The following PLAAT5 variants were observed in gnomAD, a reference collection of about 807,000 sequenced individuals.
The protein encoded by PLAAT5 is phospholipase A and acyltransferase 5, also known as Ca(2+)-independent N-acyltransferase.
Under a neutral mutation model 27.8 loss-of-function variants are expected in PLAAT5, and 27 were observed. That is an observed-to-expected ratio of 0.97 (90% CI 0.72 to 1.34). The LOEUF is 1.34. Among genes scored for constraint, PLAAT5 ranks in the 40% most tolerant of loss-of-function variants. PLAAT5 has a pLI of 0.00. For synonymous variants in PLAAT5, 125 were observed against 136.1 expected, an observed-to-expected ratio of 0.92 and a Z score of 0.57; for missense variants, 368 against 343.8, an observed-to-expected ratio of 1.07 and a Z score of -0.56.
intron 3 of PLAAT5, among the ~76,000 whole-genome samples, chr11:63,476,006 A>T: frequency 6.6e-6 from 1 of 152,066 alleles, no homozygotes; most frequent in East Asian, 1.9e-4. Flanking sequence ...CTTTTAAATT[A>T]GTTAAGAGAA....
At chr11:63,464,257 T>A (rs1487902180) in intron 5 of PLAAT5, among the ~76,000 whole-genome samples, 10 of 152,212 alleles carry the variant, frequency 6.6e-5, no homozygotes, top group Admixed American at 5.2e-4. Flanking sequence ...AAGCAGAGAC[T>A]AACATTGGAA....
chr11:63,467,011 T>G (rs1246211270), intron 4 of PLAAT5, among the ~76,000 whole-genome samples: 1 of 152,188 alleles, frequency 6.6e-6, no homozygotes, highest in South Asian at 2.1e-4. Context: ...AGCCCTGAGA[T>G]GAGACAGAGA....
chr11:63,489,464 C>T (rs546872640), intron 2 of PLAAT5, among the ~76,000 whole-genome samples: 21 of 152,254 alleles, frequency 1.4e-4, no homozygotes, highest in African/African-American at 4.6e-4. Flanking sequence ...ATATTTCTCC[C>T]TTGAAACAAA....
In PLAAT5 at chr11:63,491,095, C is replaced by A; in HGVS notation, c.-61G>T. 7.8e-7 allele frequency: 1 copy of A among 1,287,640 alleles called. No individual in the cohort carries two copies. The highest frequency in any genetic ancestry group is 2.1e-5 in the South Asian group (1 of 48,676). The allele number at this position is 1,287,640 out of a possible 1,614,324, so 79.8% of individuals were successfully genotyped here. A position where few individuals can be genotyped will look rare whatever the true frequency, so the allele number is the denominator to read the frequency against. On this transcript the variant is annotated 5_prime_UTR_variant, in exon 1 of 6. Coordinates refer to ENST00000540857, the MANE Select transcript of PLAAT5 (RefSeq NM_001146729.2). ...CAGGGGACTACGCCCCTGGCGAGTT[C>A]CCAGTCGGCGCGGCCCCTGGTCGGC...
chr11:63,483,580 A>C (rs551158068), intron 3 of PLAAT5, among the ~76,000 whole-genome samples: 1 of 148,714 alleles, frequency 6.7e-6, no homozygotes, highest in South Asian at 2.1e-4. Context: ...GACACAACTT[A>C]TCAAAAGCTC....
chr11:63,480,357 C>T (rs2016255048), intron 3 of PLAAT5, among the ~76,000 whole-genome samples: 1 of 152,264 alleles, frequency 6.6e-6, no homozygotes, highest in Admixed American at 6.5e-5. Context: ...GTCGAACAAG[C>T]TTTGTGGTAC....
chr11:63,483,801 G>GTATATATATATA (rs71039646), intron 3 of PLAAT5, among the ~76,000 whole-genome samples: 11 of 24,154 alleles, frequency 4.6e-4, no homozygotes, highest in Non-Finnish European at 9.2e-4. Context: ...ATATATATAT[G>GTATATATATATA]TATATATATA....
At position 63,490,373 on chromosome 11, in the gene PLAAT5, G is replaced by T. The variant is rs774131066; in HGVS notation, c.149-40C>A. On this transcript the variant is annotated intron_variant, in intron 1 of 5. Coordinates refer to ENST00000540857, the MANE Select transcript of PLAAT5 (RefSeq NM_001146729.2). ...GAAATGCTATTTAGACCTGTGAAAG[G>T]AGAGTTCGAGCAAGCACCTTGACCG... is the stretch of plus-strand genomic sequence containing the variant. 3 of 1,613,714 alleles carry T rather than the reference G, an allele frequency of 1.9e-6. No homozygotes were observed. In the African/African-American group the frequency reaches 4.0e-5, roughly 22 times the overall value.
chr11:63,483,534 G>A (rs929243434), intron 3 of PLAAT5, among the ~76,000 whole-genome samples: 2 of 145,960 alleles, frequency 1.4e-5, no homozygotes, highest in African/African-American at 5.1e-5. Context: ...AATCAAGACA[G>A]AAATTTAAAA....
chr11:63,483,782 AAAATATATATATATATATGTAT>A (rs1565215016), intron 3 of PLAAT5, among the ~76,000 whole-genome samples: 5 of 80,516 alleles, frequency 6.2e-5, no homozygotes, highest in East Asian at 5.8e-4. Context: ...AAGCAAAAAA[AAAATATATATATATATATGTAT>A]ATATATATAT....
At position 63,462,792 on chromosome 11, in the gene PLAAT5, A is replaced by G. The variant is rs2015751878; in HGVS notation, c.*711T>C. On this transcript the variant is annotated 3_prime_UTR_variant, in exon 6 of 6. Coordinates refer to ENST00000540857, the MANE Select transcript of PLAAT5 (RefSeq NM_001146729.2). ...ACTTATCAAATTATTTTAAATATTC[A>G]TCTGAAATCAGTGAGACTAGAAACT... 1 of 152,238 alleles carries G rather than the reference A, an allele frequency of 6.6e-6. No individual in the cohort carries two copies. Among genetic ancestry groups the G allele is most frequent in the Non-Finnish European group, 1.5e-5 (1 of 68,042 alleles). The allele number at this position is 152,238 out of a possible 1,614,324, so 9.4% of individuals were successfully genotyped here. A position where few individuals can be genotyped will look rare whatever the true frequency, so the allele number is the denominator to read the frequency against.
chr11:63,463,868 T>C (rs1450499728), intron 5 of PLAAT5, among the ~76,000 whole-genome samples: 1 of 152,188 alleles, frequency 6.6e-6, no homozygotes. Flanking sequence ...GCAAAGGATC[T>C]CACAGCACCA....
chr11:63,490,128 G>T, intron 2 of PLAAT5, 115 bp downstream of exon 2: 1 of 1,385,122 alleles, frequency 7.2e-7, no homozygotes, highest in Non-Finnish European at 1.0e-6. Flanking sequence ...GCTGGGTACC[G>T]GCTGGCTGGT....
intron 5 of PLAAT5, among the ~76,000 whole-genome samples, chr11:63,465,662 C>G (rs1330361327): frequency 1.3e-5 from 2 of 152,058 alleles, no homozygotes; most frequent in African/African-American, 4.8e-5. Flanking sequence ...TGGTGATGCA[C>G]ACCTGAAGTC....
At chr11:63,486,866 A>T (rs57888975) in intron 3 of PLAAT5, among the ~76,000 whole-genome samples, 1 of 152,210 alleles carries the variant, frequency 6.6e-6, no homozygotes, top group South Asian at 2.1e-4. Flanking sequence ...AAAACTATAA[A>T]ATACCTAGAA....
intron 3 of PLAAT5, among the ~76,000 whole-genome samples, chr11:63,471,717 T>C: frequency 6.6e-6 from 1 of 152,270 alleles, no homozygotes; most frequent in Non-Finnish European, 1.5e-5. Context: ...TAAATCATTT[T>C]ACCAATTGTA....
chr11:63,490,164 G>A, intron 2 of PLAAT5, 79 bp downstream of exon 2: 2 of 1,597,348 alleles, frequency 1.3e-6, no homozygotes, highest in Middle Eastern at 1.7e-4. Context: ...CTCTGGGTTT[G>A]TTTTACAGAA....
In PLAAT5 at chr11:63,463,586, C is replaced by A; in HGVS notation, c.727G>T (p.Ala243Ser). Residue 243 changes from alanine to serine, a missense_variant, in exon 6 of 6, where the codon GCC becomes TCC. By Grantham distance (99) the Ala-to-Ser change is moderately conservative (BLOSUM62 1). Coordinates refer to ENST00000540857, the MANE Select transcript of PLAAT5 (RefSeq NM_001146729.2). ...GVPRSQQVEHALMEGAKAAGA... is the reference protein window; with the variant it reads ...GVPRSQQVEHSLMEGAKAAGA... ...GCAGCCTTCGCTCCTTCCATCAGGG[C>A]GTGCTCTACCTGCAAAGCACATCAG... The A allele has an allele frequency of 6.2e-7, 1 of 1,613,470 alleles. No individual in the cohort carries two copies.
chr11:63,469,313 T>C, intron 3 of PLAAT5: 1 of 233,468 alleles, frequency 4.3e-6, no homozygotes, highest in Non-Finnish European at 9.4e-6. Flanking sequence ...TGTGGCCCTG[T>C]GACCTGCAGG....
Sources: gnomAD v4.1 joint callset for allele counts (sites outside exome capture counted in the v4.1 genomes callset) on GRCh38, gnomAD v4.1.1 for gene constraint, MANE v1.5 for transcripts, NCBI Gene and HGNC (gene_info 2026-07-23, HGNC 2026-07-21) for gene names.